The following PDCD1LG2 variants were observed in gnomAD, a reference collection of about 807,000 sequenced individuals.
PDCD1LG2 encodes programmed cell death 1 ligand 2, also known as B7 dendritic cell molecule.
PDCD1LG2 carries 32 observed loss-of-function variants against 28.2 expected under a neutral mutation model. The ratio of observed to expected loss-of-function variants is 1.13; its 90% confidence interval spans 0.86 to 1.52. PDCD1LG2 has a LOEUF of 1.52. PDCD1LG2 is among the 40% of genes most tolerant of loss of function. The probability of loss-of-function intolerance (pLI) is 0.00; values close to 1 mark genes in which losing one functional copy is unlikely to be tolerated. For missense variants in PDCD1LG2, 385 were observed against 323.8 expected (o/e 1.19, Z -1.45); for synonymous variants, 116 against 120.2 (o/e 0.97, Z 0.23).
At chr9:5,547,007 A>G (rs1049700399) in intron 3 of PDCD1LG2, among the ~76,000 whole-genome samples, 14 of 152,146 alleles carry the variant, frequency 9.2e-5, no homozygotes, top group South Asian at 2.1e-4. Context: ...CAAATTGTCA[A>G]CTCTTAACAT....
intron 1 of PDCD1LG2, among the ~76,000 whole-genome samples, chr9:5,519,560 C>T (rs530157665): frequency 8.1e-4 from 123 of 152,270 alleles, no homozygotes; most frequent in Non-Finnish European, 1.3e-3. Flanking sequence ...TGTTGGAATA[C>T]CCCATGTCTC....
chr9:5,571,256 G>C lies in PDCD1LG2; in HGVS notation c.*1297G>C, dbSNP rs558973003. ...TAAAACTCAATTGTTATTCTTCAAC[G>C]TTCTTTATATATTCTACTTTTGGGT... On this transcript the variant is annotated 3_prime_UTR_variant, in exon 7 of 7. Transcript: ENST00000397747. The C allele has an allele frequency of 2.2e-5, 5 of 231,176 alleles. No homozygotes were observed. Among genetic ancestry groups the C allele is most frequent in the Middle Eastern group, 1.3e-3 (1 of 776 alleles). 14.3% of individuals were successfully genotyped at this position (231,176 alleles called of 1,614,324 possible). A position where few individuals can be genotyped will look rare whatever the true frequency, so the allele number is the denominator to read the frequency against.
In PDCD1LG2 at chr9:5,540,706, T is replaced by C. The variant is rs1036632779; in HGVS notation, c.361+5656T>C. Among the ~76,000 whole-genome samples the C allele has an allele frequency of 9.9e-5, 15 of 152,182 alleles. No homozygotes were observed. The South Asian group carries it at 3.1e-3, about 32-fold the overall frequency. ...AACAGATCAATAACAAGCAGCAAGA[T>C]TGAATGGTAACTTTTAAAATTGTCA... On this transcript the variant is annotated intron_variant, in intron 3 of 6. Coordinates refer to ENST00000397747, the MANE Select transcript of PDCD1LG2 (RefSeq NM_025239.4).
At chr9:5,510,957 GCTAATGTC>G in intron 1 of PDCD1LG2, among the ~76,000 whole-genome samples, 154 bp downstream of exon 1, 1 of 152,310 alleles carries the variant, frequency 6.6e-6, no homozygotes, top group Admixed American at 6.5e-5. Context: ...GCACAAATAA[GCTAATGTC>G]CTCCTGCCCC....
intron 1 of PDCD1LG2, among the ~76,000 whole-genome samples, chr9:5,521,843 C>G (rs1009440147): frequency 6.6e-6 from 1 of 152,190 alleles, no homozygotes; most frequent in South Asian, 2.1e-4. Context: ...TGCTCTGTCC[C>G]TTTCCTCAAC....
chr9:5,532,558 C>T (rs893212872), intron 2 of PDCD1LG2, among the ~76,000 whole-genome samples: 1 of 152,154 alleles, frequency 6.6e-6, no homozygotes, highest in Non-Finnish European at 1.5e-5. Flanking sequence ...GTGCTAGGTA[C>T]TGGATATATC....
chr9:5,522,710 A>G, intron 2 of PDCD1LG2, 109 bp downstream of exon 2: 1 of 936,158 alleles, frequency 1.1e-6, no homozygotes, highest in South Asian at 1.6e-5. Context: ...CTTTGAGAGG[A>G]CGTATGATTT....
Position 5,534,823 on chromosome 9 carries a change from A to T in PDCD1LG2, c.134A>T (p.Asp45Val), listed in dbSNP as rs2129793006. 7 of 1,614,166 alleles carry T rather than the reference A, an allele frequency of 4.3e-6. No homozygotes were observed. Among genetic ancestry groups the T allele is most frequent in the Non-Finnish European group, 5.9e-6 (7 of 1,179,992 alleles). The change falls in exon 3 of 7, where the codon GAC (aspartate) becomes GTC (valine). Residue 45 changes from aspartate (D) to valine (V), a missense_variant. Transcript: ENST00000397747. The part of the protein sequence containing the change: ...GSNVTLECNF[D>V]TGSHVNLGAI... ...AATGTGACCCTGGAATGCAACTTTG[A>T]CACTGGAAGTCATGTGAACCTTGGA...
intron 1 of PDCD1LG2, among the ~76,000 whole-genome samples, chr9:5,511,629 G>T (rs1275369800): frequency 6.6e-6 from 1 of 152,222 alleles, no homozygotes; most frequent in Admixed American, 6.5e-5. Context: ...TGAGACAGTT[G>T]TATCAGGGTC....
intron 1 of PDCD1LG2, among the ~76,000 whole-genome samples, chr9:5,518,106 GCTA>G (rs1425613153): frequency 3.9e-5 from 6 of 152,196 alleles, no homozygotes; most frequent in Non-Finnish European, 4.4e-5. Context: ...GGTGGGTGTT[GCTA>G]CTATTAGCAT....
chr9:5,535,601 T>A (rs1231199182), intron 3 of PDCD1LG2, among the ~76,000 whole-genome samples: 5 of 151,508 alleles, frequency 3.3e-5, no homozygotes, highest in Non-Finnish European at 7.4e-5. Context: ...CTGAGGGACG[T>A]GTGTGTGTGT....
intron 1 of PDCD1LG2, among the ~76,000 whole-genome samples, chr9:5,521,179 A>C (rs1820266818): frequency 6.6e-6 from 1 of 152,232 alleles, no homozygotes; most frequent in Admixed American, 6.5e-5. Flanking sequence ...ATAGAGACAG[A>C]AACTAGATTA....
chr9:5,540,200 C>T (rs1018902596), intron 3 of PDCD1LG2, among the ~76,000 whole-genome samples: 7 of 152,098 alleles, frequency 4.6e-5, no homozygotes, highest in African/African-American at 1.7e-4. Flanking sequence ...ATAATAGTGA[C>T]ACAACCTATC....
chr9:5,546,492 T>C (rs1211314288), intron 3 of PDCD1LG2, among the ~76,000 whole-genome samples: 3 of 152,346 alleles, frequency 2.0e-5, no homozygotes, highest in Non-Finnish European at 2.9e-5. Context: ...TGTTTGATTA[T>C]GAAAGATAGG....
At chr9:5,544,312 G>A (rs778045381) in intron 3 of PDCD1LG2, among the ~76,000 whole-genome samples, 1 of 152,238 alleles carries the variant, frequency 6.6e-6, no homozygotes, top group Non-Finnish European at 1.5e-5. Flanking sequence ...AAAGGGGGAA[G>A]GCAGGGTTAA....
intron 2 of PDCD1LG2, among the ~76,000 whole-genome samples, chr9:5,524,979 G>C (rs1820343189): frequency 6.6e-6 from 1 of 152,144 alleles, no homozygotes; most frequent in South Asian, 2.1e-4. Context: ...GAAAAGAAAA[G>C]AAGATACCTG....
In PDCD1LG2 at chr9:5,526,593, C is replaced by G. The variant is rs1234980767; in HGVS notation, c.55+3992C>G. On this transcript the variant is annotated intron_variant, in intron 2 of 6. Coordinates refer to ENST00000397747, the MANE Select transcript of PDCD1LG2 (RefSeq NM_025239.4). ...GCTAGGACTACAGGCATGTACCACC[C>G]GGTCTGGCTAATTTTTTAAACATTT... is the stretch of plus-strand genomic sequence containing the variant. Among the ~76,000 whole-genome samples, 4 of 152,028 alleles carry G rather than the reference C, an allele frequency of 2.6e-5. No individual in the cohort carries two copies. In the South Asian group the frequency reaches 8.3e-4, roughly 32 times the overall value.
intron 1 of PDCD1LG2, among the ~76,000 whole-genome samples, chr9:5,513,988 T>C (rs546620722): frequency 1.3e-5 from 2 of 152,326 alleles, no homozygotes; most frequent in South Asian, 4.1e-4. Flanking sequence ...TGGGTATGCA[T>C]TTATCTAGGT....
intron 4 of PDCD1LG2, 64 bp downstream of exon 4, chr9:5,549,668 C>T (rs2129880139): frequency 6.3e-7 from 1 of 1,578,854 alleles, no homozygotes; most frequent in Non-Finnish European, 8.7e-7. Flanking sequence ...AGATGGCATA[C>T]TCGAGTGATT....
Sources: allele counts gnomAD v4.1 joint callset (sites outside exome capture counted in the v4.1 genomes callset), GRCh38; gene constraint gnomAD v4.1.1; transcripts MANE v1.5; gene names NCBI Gene and HGNC (gene_info 2026-07-23, HGNC 2026-07-21).